The following UNC79 variants were observed in gnomAD, a reference collection of about 807,000 sequenced individuals.
UNC79 encodes the protein protein unc-79 homolog.
UNC79 carries 37 observed loss-of-function variants against 283.1 expected under a neutral mutation model. The observed-to-expected ratio is 0.13, with a 90% CI of 0.10 to 0.17. UNC79 has a LOEUF of 0.17. UNC79 is among the 10% of genes least tolerant of loss of function. The pLI, the probability that UNC79 is intolerant of heterozygous loss-of-function variation, is 1.00. For synonymous variants in UNC79, 1,107 were observed against 1,200.2 expected, an observed-to-expected ratio of 0.92 and a Z score of 1.61; for missense variants, 2,272 against 3,211.1, an observed-to-expected ratio of 0.71 and a Z score of 7.07.
chr14:93,519,858 T>C (rs2060240775), intron 7 of UNC79, among the ~76,000 whole-genome samples: 1 of 151,796 alleles, frequency 6.6e-6, no homozygotes, highest in Non-Finnish European at 1.5e-5. Flanking sequence ...TTACCAAACA[T>C]CTTACTTCTA....
intron 39 of UNC79, among the ~76,000 whole-genome samples, chr14:93,661,876 C>A (rs888717925): frequency 2.0e-5 from 3 of 152,034 alleles, no homozygotes; most frequent in Non-Finnish European, 2.9e-5. Context: ...GTGTGAAAAC[C>A]CTTGTGTCAG....
rs1202370315 is a variant in UNC79 at position 93,424,257 on chromosome 14, C to G, written c.-350-43414C>G. Reference sequence around the variant, plus strand: ...GTGGAGAAAAGGGAACCCTCATACACTCTTGGTGGAAATGTAAATTAGTAT... The same window carrying G: ...GTGGAGAAAAGGGAACCCTCATACAGTCTTGGTGGAAATGTAAATTAGTAT... On this transcript the variant is annotated intron_variant, in intron 1 of 49. Transcript: ENST00000256339. 2.6e-5 allele frequency among the ~76,000 whole-genome samples: 4 copies of G among 152,126 alleles called. No individual in the cohort carries two copies. The East Asian group carries it at 7.7e-4, about 29-fold the overall frequency.
At chr14:93,593,688 G>A (rs746063987) in exon 23 of UNC79, 1 of 1,611,724 alleles carries the variant, frequency 6.2e-7, no homozygotes, top group South Asian at 1.1e-5. Context: ...AGCCTGTGGA[G>A]GGTCGTCAAA....
intron 1 of UNC79, chr14:93,347,385 G>C: frequency 6.5e-7 from 1 of 1,539,076 alleles, no homozygotes; most frequent in East Asian, 2.4e-5. Flanking sequence ...AGCGGCCCCT[G>C]TCTGCCGCGG....
chr14:93,586,520 T>A (rs889926063), intron 20 of UNC79, 76 bp from the exon 21 acceptor site: 2 of 1,365,118 alleles, frequency 1.5e-6, no homozygotes, highest in African/African-American at 2.9e-5. Context: ...TCTTGGTTTT[T>A]ATGATCTTGA....
rs1249515564 is a variant in UNC79, at chr14:93,550,179, TTTAG to T, written c.1755+7491_1755+7494del. Among the ~76,000 whole-genome samples the T allele has an allele frequency of 6.6e-5, 10 of 152,332 alleles. No homozygotes were observed. The Middle Eastern group carries it at 0.01, about 155-fold the overall frequency. On this transcript the variant is annotated intron_variant, in intron 14 of 48. Transcript: ENST00000555664. Reference sequence around the variant, plus strand: ...AAGGTTGGTTTATAAATTGCAACAATTTAGTTAGTTACAGTTTGTTTTCATTTCC... The same window carrying T: ...AAGGTTGGTTTATAAATTGCAACAATTTAGTTACAGTTTGTTTTCATTTCC...
At chr14:93,583,187 G>T (rs562081612) in intron 20 of UNC79, among the ~76,000 whole-genome samples, 2 of 152,204 alleles carry the variant, frequency 1.3e-5, no homozygotes, top group South Asian at 4.1e-4. Flanking sequence ...CAAGTGTGGT[G>T]GCTCATGCCT....
chr14:93,641,789 A>T (rs2069061208), intron 33 of UNC79, among the ~76,000 whole-genome samples: 1 of 152,180 alleles, frequency 6.6e-6, no homozygotes, highest in African/African-American at 2.4e-5. Flanking sequence ...TCCCACCCAA[A>T]TCTCACCTTG....
intron 42 of UNC79, among the ~76,000 whole-genome samples, chr14:93,685,074 C>T (rs887546116): frequency 2.6e-5 from 4 of 152,166 alleles, no homozygotes; most frequent in Non-Finnish European, 4.4e-5. Context: ...CTTGACCATA[C>T]AGTGAATTTT....
chr14:93,471,634 C>T (rs1022804732), intron 2 of UNC79, among the ~76,000 whole-genome samples: 47 of 151,734 alleles, frequency 3.1e-4, no homozygotes, highest in Middle Eastern at 6.8e-3. Flanking sequence ...ATGCATTGTA[C>T]ATTTATTCAT....
At chr14:93,653,157 G>C (rs1199156360) in intron 35 of UNC79, among the ~76,000 whole-genome samples, 1 of 151,970 alleles carries the variant, frequency 6.6e-6, no homozygotes, top group Non-Finnish European at 1.5e-5. Context: ...TAGTCTAAGG[G>C]GCAGGGCCTC....
intron 1 of UNC79, among the ~76,000 whole-genome samples, chr14:93,422,541 T>G (rs964149092): frequency 6.6e-6 from 1 of 152,110 alleles, no homozygotes; most frequent in Non-Finnish European, 1.5e-5. Context: ...TCTGAACCAG[T>G]TTTTCAGGTT....
chr14:93,443,499 C>T (rs1206663626), intron 1 of UNC79, among the ~76,000 whole-genome samples: 1 of 151,102 alleles, frequency 6.6e-6, no homozygotes, highest in East Asian at 2.0e-4. Context: ...TCTCAGCTCG[C>T]TGCAACCTCC....
chr14:93,639,321 A>G (rs906991841), intron 32 of UNC79, among the ~76,000 whole-genome samples: 4 of 152,248 alleles, frequency 2.6e-5, no homozygotes, highest in African/African-American at 9.6e-5. Context: ...GTCAATGTTC[A>G]AGAAATGTGG....
chr14:93,665,174 G>T (rs2072044061), intron 40 of UNC79, among the ~76,000 whole-genome samples: 1 of 148,604 alleles, frequency 6.7e-6, no homozygotes, highest in African/African-American at 2.4e-5. Context: ...TACTTTAAAT[G>T]ATAAGCATAT....
intron 40 of UNC79, among the ~76,000 whole-genome samples, chr14:93,670,800 C>T (rs2072766590): frequency 6.6e-6 from 1 of 152,172 alleles, no homozygotes; most frequent in Non-Finnish European, 1.5e-5. Context: ...AGTCCTCTTC[C>T]TAATGCTACC....
At chr14:93,355,117 C>T (rs2054058818) in intron 1 of UNC79, among the ~76,000 whole-genome samples, 1 of 151,932 alleles carries the variant, frequency 6.6e-6, no homozygotes, top group Admixed American at 6.6e-5. Flanking sequence ...GCAACCTCCT[C>T]CTCCTGGGTT....
intron 14 of UNC79, among the ~76,000 whole-genome samples, chr14:93,547,024 ATAGT>A (rs904226995): frequency 3.4e-4 from 52 of 152,350 alleles, no homozygotes; most frequent in African/African-American, 1.2e-3. Context: ...TAAAATAGTC[ATAGT>A]TAAAGATCTG....
At chr14:93,663,126 C>A (rs991233070) in intron 40 of UNC79, among the ~76,000 whole-genome samples, 2 of 152,100 alleles carry the variant, frequency 1.3e-5, no homozygotes, top group African/African-American at 4.8e-5. Flanking sequence ...TTTGTAAAAG[C>A]CTTTGAAGAG....
Sources: gnomAD v4.1 joint callset for allele counts (sites outside exome capture counted in the v4.1 genomes callset) on GRCh38, gnomAD v4.1.1 for gene constraint, MANE v1.5 for transcripts, NCBI Gene and HGNC (gene_info 2026-07-23, HGNC 2026-07-21) for gene names.